Variants in AADAT observed in about 807,000 individuals in gnomAD.
AADAT encodes aminoadipate aminotransferase.
Under a neutral mutation model 56.2 loss-of-function variants are expected in AADAT, and 25 were observed. The observed-to-expected ratio is 0.44, with a 90% confidence interval of 0.32 to 0.62. AADAT has a LOEUF of 0.62. AADAT is among the 20% of genes least tolerant of loss of function. The pLI, the probability that AADAT is intolerant of heterozygous loss-of-function variation, is 0.04. For synonymous variants in AADAT, 173 were observed against 164.7 expected, an observed-to-expected ratio of 1.05 and a Z score of -0.39; for missense variants, 387 against 510.5, an observed-to-expected ratio of 0.76 and a Z score of 2.33.
intron 10 of AADAT, among the ~76,000 whole-genome samples, chr4:170,066,180 C>T (rs1731450733): frequency 6.9e-6 from 1 of 145,664 alleles, no homozygotes; most frequent in African/African-American, 2.5e-5. Context: ...ATTTTTAGAT[C>T]TTTTTTTTTT....
chr4:170,063,526 G>A (rs1028520860), intron 11 of AADAT, among the ~76,000 whole-genome samples: 4 of 152,210 alleles, frequency 2.6e-5, no homozygotes, highest in African/African-American at 9.6e-5. Flanking sequence ...TAAGTCAATT[G>A]TTTATCAAGT....
upstream of AADAT, among the ~76,000 whole-genome samples, chr4:170,093,798 A>G (rs965426013): frequency 3.9e-5 from 6 of 152,176 alleles, no homozygotes; most frequent in Admixed American, 6.5e-5. Context: ...GGGTCTCCCT[A>G]TGTTGCCCAG....
At chr4:170,086,475 G>A (rs1433081100) in intron 3 of AADAT, among the ~76,000 whole-genome samples, 2 of 151,836 alleles carry the variant, frequency 1.3e-5, no homozygotes, top group African/African-American at 4.8e-5. Flanking sequence ...CACCCAAGAG[G>A]GGGACAAGAT....
At position 170,089,685 on chromosome 4, in the gene AADAT, A is replaced by G. The variant is rs1459702848; in HGVS notation, c.6T>C (p.Asn2=). Residue 2 remains asparagine, a synonymous_variant, in exon 1 of 13, where the codon AAT becomes AAC. Transcript: ENST00000337664. M[N]YARFITAASA... ...TCGCTGCCGTGATGAACCGTGCGTA[A>G]TTCATGTCTTCTGACAGCCAAGCAT... 1 of 1,614,146 alleles carries G rather than the reference A, an allele frequency of 6.2e-7. No individual in the cohort carries two copies. Among genetic ancestry groups the G allele is most frequent in the East Asian group, 2.2e-5 (1 of 44,870 alleles).
At chr4:170,077,431 G>A (rs1280477665) in intron 4 of AADAT, among the ~76,000 whole-genome samples, 3 of 151,558 alleles carry the variant, frequency 2.0e-5, no homozygotes, top group Admixed American at 6.6e-5. Flanking sequence ...TTATTCCTAC[G>A]TATTTTATTC....
At chr4:170,076,992 CA>C (rs1732068731) in intron 4 of AADAT, among the ~76,000 whole-genome samples, 1 of 152,176 alleles carries the variant, frequency 6.6e-6, no homozygotes, top group Non-Finnish European at 1.5e-5. Context: ...ATGATCTTGG[CA>C]CCCTTACTGA....
rs1244241668 is a variant in AADAT, at chr4:170,089,821, C to A, written c.-131G>T. 2.2e-6 allele frequency: 2 copies of A among 916,518 alleles called. No individual in the cohort carries two copies. Among genetic ancestry groups the A allele is most frequent in the Non-Finnish European group, 3.4e-6 (2 of 595,668 alleles). 56.8% of individuals were successfully genotyped at this position (916,518 alleles called of 1,614,324 possible). A position where few individuals can be genotyped will look rare whatever the true frequency, so the allele number is the denominator to read the frequency against. On this transcript the variant is annotated 5_prime_UTR_variant, in exon 1 of 13. Transcript: ENST00000337664. Reference sequence around the variant, plus strand: ...CACCGCGAGATGTGTCCCCCCGCTGCGTCTGGCTTCCCGCGCGCGGTGCCC... The same window carrying A: ...CACCGCGAGATGTGTCCCCCCGCTGAGTCTGGCTTCCCGCGCGCGGTGCCC...
intron 7 of AADAT, among the ~76,000 whole-genome samples, 174 bp downstream of exon 7, chr4:170,068,974 C>T (rs1190784243): frequency 6.6e-6 from 1 of 151,998 alleles, no homozygotes; most frequent in African/African-American, 2.4e-5. Flanking sequence ...TTGACTATTG[C>T]AGGTGAATAA....
At position 170,086,035 on chromosome 4, in the gene AADAT, A is replaced by AT. The variant is rs879294274; in HGVS notation, c.369+1080_369+1081insA. ...AGCACTTTGGGAGGCCAAGGTGGAC[A>AT]GACTGCTTGAGCCCATGAGCTCAAG... On this transcript the variant is annotated intron_variant, in intron 3 of 12. Transcript: ENST00000337664. 1.9e-3 allele frequency among the ~76,000 whole-genome samples: 291 copies of AT among 152,252 alleles called. 1 individual carries two copies. Among genetic ancestry groups the AT allele is most frequent in the Non-Finnish European group, 3.2e-3 (216 of 67,988 alleles).
chr4:170,071,292 A>G (rs1731751047), intron 5 of AADAT, among the ~76,000 whole-genome samples: 1 of 152,182 alleles, frequency 6.6e-6, no homozygotes, highest in African/African-American at 2.4e-5. Context: ...TTCAGGTTCA[A>G]TCACTGAGAA....
At chr4:170,086,122 G>C (rs1484102008) in intron 3 of AADAT, among the ~76,000 whole-genome samples, 1 of 152,048 alleles carries the variant, frequency 6.6e-6, no homozygotes, top group Non-Finnish European at 1.5e-5. Flanking sequence ...GTGTGCACCC[G>C]CAGTCCCAGC....
chr4:170,066,555 T>A, intron 9 of AADAT, 77 bp from the exon 10 acceptor site: 1 of 1,045,438 alleles, frequency 9.6e-7, no homozygotes, highest in Non-Finnish European at 1.5e-6. Context: ...GAGTCCAGGC[T>A]ATAAGAATTT....
intron 3 of AADAT, among the ~76,000 whole-genome samples, chr4:170,085,946 T>C (rs1732539900): frequency 1.3e-5 from 2 of 152,270 alleles, no homozygotes; most frequent in African/African-American, 4.8e-5. Flanking sequence ...CATAGATTAA[T>C]TTAGATCTGA....
chr4:170,075,144 G>C (rs1339973114), intron 4 of AADAT, among the ~76,000 whole-genome samples: 1 of 152,038 alleles, frequency 6.6e-6, no homozygotes, highest in Non-Finnish European at 1.5e-5. Context: ...TTTCTGTTTG[G>C]GTATGTGAAA....
At chr4:170,082,508 G>A (rs1732367088) in intron 3 of AADAT, among the ~76,000 whole-genome samples, 1 of 152,144 alleles carries the variant, frequency 6.6e-6, no homozygotes, top group Non-Finnish European at 1.5e-5. Flanking sequence ...CAGTAAGAAA[G>A]GAAGAAAAGA....
At chr4:170,068,158 A>T (rs1349240611) in intron 8 of AADAT, among the ~76,000 whole-genome samples, 1 of 151,542 alleles carries the variant, frequency 6.6e-6, no homozygotes, top group Non-Finnish European at 1.5e-5. Context: ...AAAAAAAAAA[A>T]ATTAAAATGT....
At chr4:170,066,948 T>A (rs556336264) in intron 9 of AADAT, among the ~76,000 whole-genome samples, 2 of 152,368 alleles carry the variant, frequency 1.3e-5, no homozygotes, top group African/African-American at 2.4e-5. Context: ...AGGGAAATTA[T>A]GTTCACCTTC....
chr4:170,082,121 CTA>C (rs1399843829), intron 3 of AADAT, among the ~76,000 whole-genome samples: 1 of 152,142 alleles, frequency 6.6e-6, no homozygotes, highest in Non-Finnish European at 1.5e-5. Context: ...CCAGAATACT[CTA>C]TGATTGTAAT....
At chr4:170,076,411 C>T (rs995473450) in intron 4 of AADAT, among the ~76,000 whole-genome samples, 6 of 152,140 alleles carry the variant, frequency 3.9e-5, no homozygotes, top group Non-Finnish European at 7.3e-5. Flanking sequence ...AACCACTACA[C>T]GATCATGGAA....
Sources: gnomAD v4.1 joint callset for allele counts (sites outside exome capture counted in the v4.1 genomes callset) on GRCh38, gnomAD v4.1.1 for gene constraint, MANE v1.5 for transcripts, NCBI Gene and HGNC (gene_info 2026-07-23, HGNC 2026-07-21) for gene names.